Variants in MARCHF1 observed in about 807,000 individuals in gnomAD.
The protein encoded by MARCHF1 is membrane associated ring-CH-type finger 1, also known as E3 ubiquitin-protein ligase MARCHF1.
MARCHF1 carries 40 observed loss-of-function variants against 54.2 expected under a neutral mutation model. The observed-to-expected ratio is 0.74, with a 90% CI of 0.57 to 0.96. MARCHF1 has a LOEUF of 0.96. Among genes scored for constraint, MARCHF1 ranks in the 40% least tolerant of loss-of-function variants. MARCHF1 has a pLI of 0.00. For synonymous variants in MARCHF1, 236 were observed against 236.3 expected (o/e 1.00, Z 0.01); for missense variants, 586 against 656.5 (o/e 0.89, Z 1.17).
Position 164,202,345 on chromosome 4 carries a change from T to C in MARCHF1, c.-322-90683A>G, listed in dbSNP as rs370976661. On this transcript the variant is annotated intron_variant, in intron 1 of 9. Coordinates refer to ENST00000514618, the MANE Select transcript of MARCHF1 (RefSeq NM_001394959.1). ...AGAATGCAGTAGATATTATGAACCA[T>C]AAAATGTTCCATATGACTGTATCTT... Among the ~76,000 whole-genome samples, 15 of 152,304 alleles carry C rather than the reference T, an allele frequency of 9.8e-5. No individual in the cohort carries two copies. In the East Asian group the frequency reaches 1.3e-3, roughly 14 times the overall value.
chr4:163,612,304 T>C lies in MARCHF1; in HGVS notation c.977A>G (p.Tyr326Cys), dbSNP rs1741369502. 2 of 1,521,250 alleles carry C rather than the reference T, an allele frequency of 1.3e-6. No individual in the cohort carries two copies. The highest frequency in any genetic ancestry group is 2.1e-5 in the Admixed American group (1 of 47,122). 94.2% of individuals were successfully genotyped at this position (1,521,250 alleles called of 1,614,324 possible). The change falls in exon 7 of 10, where the codon TAT becomes TGT. Residue 326 changes from tyrosine to cysteine, a missense_variant. By Grantham distance (194) the Tyr-to-Cys change is radical (BLOSUM62 -2). Transcript: ENST00000514618. ...NNPVQKPPAT[Y>C]DDGSDNLEVC... ...TTCTAAATTATCAGACCCATCGTCATAGGTGGCAGGAGGCTTCTGAACAGG... is the reference window on the plus strand; with the variant it reads ...TTCTAAATTATCAGACCCATCGTCACAGGTGGCAGGAGGCTTCTGAACAGG...
At chr4:163,721,871 T>C (rs936497464) in intron 4 of MARCHF1, among the ~76,000 whole-genome samples, 1 of 152,152 alleles carries the variant, frequency 6.6e-6, no homozygotes, top group East Asian at 1.9e-4. Context: ...GGACCGGTGG[T>C]GACATCCCTT....
At chr4:163,644,985 T>G (rs1270572390) in intron 5 of MARCHF1, among the ~76,000 whole-genome samples, 1 of 152,258 alleles carries the variant, frequency 6.6e-6, no homozygotes, top group South Asian at 2.1e-4. Flanking sequence ...CTGAAGCAGC[T>G]CTGTGACCTG....
chr4:164,209,228 C>G (rs62347983), intron 1 of MARCHF1, among the ~76,000 whole-genome samples: 57,426 of 151,814 alleles, frequency 0.38, 12,665 homozygotes, highest in Non-Finnish European at 0.51. Flanking sequence ...AAATATGATG[C>G]CTGATCAGAA....
At chr4:164,117,623 G>A (rs1333344698) in intron 1 of MARCHF1, among the ~76,000 whole-genome samples, 1 of 151,988 alleles carries the variant, frequency 6.6e-6, no homozygotes, top group Non-Finnish European at 1.5e-5. Context: ...ACTGAAGCTG[G>A]GCACGGTGGC....
chr4:163,580,463 T>A (rs1740192651), intron 8 of MARCHF1, among the ~76,000 whole-genome samples: 1 of 152,096 alleles, frequency 6.6e-6, no homozygotes, highest in Admixed American at 6.5e-5. Flanking sequence ...AAATGTTGAA[T>A]AAGGACTATT....
intron 4 of MARCHF1, among the ~76,000 whole-genome samples, chr4:163,840,763 A>G (rs1250724541): frequency 6.6e-6 from 1 of 152,022 alleles, no homozygotes; most frequent in Non-Finnish European, 1.5e-5. Context: ...ATTGACCTTA[A>G]GTGTTCTCAC....
chr4:164,181,202 C>T (rs554497597), intron 1 of MARCHF1, among the ~76,000 whole-genome samples: 6 of 152,252 alleles, frequency 3.9e-5, no homozygotes, highest in African/African-American at 9.6e-5. Flanking sequence ...TGTGTGAACA[C>T]GTCCTCTGCC....
At chr4:163,885,904 C>G (rs932748605) in intron 3 of MARCHF1, among the ~76,000 whole-genome samples, 5 of 148,764 alleles carry the variant, frequency 3.4e-5, no homozygotes, top group Admixed American at 2.0e-4. Context: ...AGACCCGTCT[C>G]TAATATATAT....
chr4:164,204,598 T>C (rs1312444492), intron 1 of MARCHF1, among the ~76,000 whole-genome samples: 2 of 152,228 alleles, frequency 1.3e-5, no homozygotes, highest in African/African-American at 4.8e-5. Context: ...CCATTTTGTG[T>C]GAAAAACTTT....
intron 4 of MARCHF1, among the ~76,000 whole-genome samples, chr4:163,715,075 C>G (rs1378314853): frequency 6.6e-6 from 1 of 152,096 alleles, no homozygotes; most frequent in Non-Finnish European, 1.5e-5. Context: ...TTAGAAGCCA[C>G]AAAGATAAAA....
chr4:163,965,102 A>G (rs1357975904), intron 3 of MARCHF1, among the ~76,000 whole-genome samples: 1 of 152,060 alleles, frequency 6.6e-6, no homozygotes, highest in African/African-American at 2.4e-5. Context: ...CAAAAAACTC[A>G]GATCTTAGGA....
At chr4:164,349,895 G>A (rs1279599004) in intron 1 of MARCHF1, among the ~76,000 whole-genome samples, 1 of 152,096 alleles carries the variant, frequency 6.6e-6, no homozygotes, top group Admixed American at 6.5e-5. Context: ...GTAACATAGT[G>A]GTTAAAAAAC....
Position 163,960,323 on chromosome 4 carries a change from A to G in MARCHF1, c.-39+28178T>C, listed in dbSNP as rs62348065. Among the ~76,000 whole-genome samples, 822 of 152,206 alleles carry G rather than the reference A, an allele frequency of 5.4e-3. 8 individuals carry two copies. The highest frequency in any genetic ancestry group is 0.038 in the South Asian group (183 of 4,832). On this transcript the variant is annotated intron_variant, in intron 3 of 9. Transcript: ENST00000514618. ...TTACTGGGTATATAACCAGAGGAAT[A>G]TAAATCATTCTATCATAAAGACACA...
At chr4:164,226,910 C>T (rs563512310) in intron 1 of MARCHF1, among the ~76,000 whole-genome samples, 2 of 152,178 alleles carry the variant, frequency 1.3e-5, no homozygotes, top group African/African-American at 2.4e-5. Context: ...TATTGCAATA[C>T]CATGTCCCCC....
intron 1 of MARCHF1, among the ~76,000 whole-genome samples, chr4:164,227,286 A>G (rs867444435): frequency 2.0e-4 from 30 of 152,216 alleles, no homozygotes; most frequent in Middle Eastern, 3.4e-3. Flanking sequence ...TAAAACCATC[A>G]TATCTCATGA....
chr4:164,154,985 G>A (rs1224334155), intron 1 of MARCHF1, among the ~76,000 whole-genome samples: 1 of 152,194 alleles, frequency 6.6e-6, no homozygotes, highest in African/African-American at 2.4e-5. Flanking sequence ...TGGCCATCCA[G>A]CAGCTAATTC....
At chr4:164,315,766 C>G (rs2111444741) in intron 1 of MARCHF1, among the ~76,000 whole-genome samples, 1 of 152,244 alleles carries the variant, frequency 6.6e-6, no homozygotes, top group East Asian at 1.9e-4. Flanking sequence ...CCCTATGGAT[C>G]ATAACTAGGT....
At chr4:163,636,214 T>G (rs2111013937) in intron 5 of MARCHF1, among the ~76,000 whole-genome samples, 1 of 152,048 alleles carries the variant, frequency 6.6e-6, no homozygotes, top group East Asian at 1.9e-4. Context: ...TCACCACCCC[T>G]ATTCAACATA....
Sources: allele counts gnomAD v4.1 joint callset (sites outside exome capture counted in the v4.1 genomes callset), GRCh38; gene constraint gnomAD v4.1.1; transcripts MANE v1.5; gene names NCBI Gene and HGNC (gene_info 2026-07-23, HGNC 2026-07-21).